Variants in NRG1 observed in about 807,000 individuals in gnomAD.
The protein encoded by NRG1 is neuregulin 1, also known as pro-neuregulin-1, membrane-bound isoform.
A neutral mutation model predicts 63.8 loss-of-function variants in NRG1; 18 were observed. The ratio of observed to expected loss-of-function variants is 0.28; its 90% CI spans 0.19 to 0.42. NRG1 has a LOEUF of 0.42. NRG1 is among the 10% of genes least tolerant of loss of function. NRG1 has a pLI of 1.00. For missense variants in NRG1, 762 were observed against 814.7 expected, an observed-to-expected ratio of 0.94 and a Z score of 0.79; for synonymous variants, 302 against 301.3, an observed-to-expected ratio of 1.00 and a Z score of -0.02.
chr8:32,541,557 T>C (rs1832576972), intron 1 of NRG1, among the ~76,000 whole-genome samples: 1 of 151,730 alleles, frequency 6.6e-6, no homozygotes, highest in South Asian at 2.1e-4. Context: ...TGTTCAAATA[T>C]TTGAAGTACT....
intron 1 of NRG1, among the ~76,000 whole-genome samples, chr8:32,243,011 A>G (rs1007308178): frequency 5.3e-5 from 8 of 152,200 alleles, no homozygotes; most frequent in African/African-American, 1.9e-4. Context: ...TGCAAGGGAA[A>G]GATTGTTCTG....
chr8:31,803,371 C>T (rs1056479939), intron 1 of NRG1, among the ~76,000 whole-genome samples: 2 of 152,084 alleles, frequency 1.3e-5, no homozygotes, highest in African/African-American at 2.4e-5. Context: ...AAAGCCACAC[C>T]GACAGAGAGC....
chr8:32,249,756 A>T (rs570833774), intron 1 of NRG1, among the ~76,000 whole-genome samples: 1 of 152,146 alleles, frequency 6.6e-6, no homozygotes, highest in Non-Finnish European at 1.5e-5. Context: ...TGTGTTGAGT[A>T]AACAAAGATC....
At chr8:31,935,105 C>T (rs893120260) in intron 1 of NRG1, among the ~76,000 whole-genome samples, 1 of 151,878 alleles carries the variant, frequency 6.6e-6, no homozygotes, top group Non-Finnish European at 1.5e-5. Flanking sequence ...TGTGTGCCAC[C>T]ACGCCCAGCT....
At chr8:32,597,460 G>A in intron 2 of NRG1, among the ~76,000 whole-genome samples, 1 of 152,128 alleles carries the variant, frequency 6.6e-6, no homozygotes, top group Non-Finnish European at 1.5e-5. Flanking sequence ...GTATAATAAA[G>A]TGTAAAAGAA....
intron 1 of NRG1, among the ~76,000 whole-genome samples, chr8:32,499,653 G>A (rs766946688): frequency 2.0e-5 from 3 of 152,116 alleles, no homozygotes; most frequent in East Asian, 1.9e-4. Context: ...CAGCCTGGGC[G>A]ACAGAGTGAG....
chr8:32,172,995 A>G (rs556108572), intron 1 of NRG1, among the ~76,000 whole-genome samples: 2 of 152,288 alleles, frequency 1.3e-5, no homozygotes, highest in East Asian at 3.9e-4. Context: ...AGAACGCCAC[A>G]AAGATACTCC....
intron 11 of NRG1, 137 bp downstream of exon 11, chr8:32,760,543 G>C (rs1401283214): frequency 6.8e-7 from 1 of 1,469,214 alleles, no homozygotes; most frequent in Non-Finnish European, 8.9e-7. Context: ...AGTGCTCCTA[G>C]TTGATGAAGT....
At chr8:32,763,528 T>A (rs190403617) in intron 11 of NRG1, among the ~76,000 whole-genome samples, 1 of 152,324 alleles carries the variant, frequency 6.6e-6, no homozygotes, top group Non-Finnish European at 1.5e-5. Flanking sequence ...CTAGGCAATT[T>A]AGCTGATCTT....
intron 1 of NRG1, chr8:32,136,877 C>T (rs1391189506): frequency 6.6e-6 from 1 of 152,008 alleles, no homozygotes; most frequent in Non-Finnish European, 1.5e-5. Flanking sequence ...AAGAATTGGG[C>T]CTTATATAAC....
chr8:32,147,927 C>G (rs1428085482), intron 1 of NRG1, among the ~76,000 whole-genome samples: 2 of 151,966 alleles, frequency 1.3e-5, no homozygotes, highest in African/African-American at 4.8e-5. Flanking sequence ...TAATTTACCC[C>G]TCTCCAAAAA....
exon 6 of NRG1, chr8:32,727,971 G>C (rs1260714638): frequency 1.2e-6 from 2 of 1,614,014 alleles, no homozygotes; most frequent in South Asian, 2.2e-5. Context: ...CCACCACTGG[G>C]ACAAGCCATC....
At chr8:32,230,497 A>T (rs1454683743) in intron 1 of NRG1, among the ~76,000 whole-genome samples, 1 of 152,140 alleles carries the variant, frequency 6.6e-6, no homozygotes, top group Admixed American at 6.5e-5. Context: ...GAAATTGGAG[A>T]GTAGGAAACT....
intron 1 of NRG1, among the ~76,000 whole-genome samples, chr8:32,162,346 T>C (rs551334100): frequency 6.6e-6 from 1 of 152,220 alleles, no homozygotes; most frequent in Non-Finnish European, 1.5e-5. Context: ...ATCTTAATTT[T>C]GTGAAAGCAT....
intron 5 of NRG1, chr8:32,722,168 G>C (rs17669659): frequency 0.2 from 151,401 of 758,522 alleles, 16,122 homozygotes; most frequent in Non-Finnish European, 0.21. Context: ...TAAGTAACTC[G>C]TAAAGAATTG....
chr8:31,697,832 C>G (rs1190797171), intron 1 of NRG1, among the ~76,000 whole-genome samples: 1 of 151,992 alleles, frequency 6.6e-6, no homozygotes, highest in Non-Finnish European at 1.5e-5. Flanking sequence ...AAATACAAGA[C>G]TTGTACATTT....
chr8:32,141,840 C>G (rs1328175568), intron 1 of NRG1, among the ~76,000 whole-genome samples: 2 of 151,792 alleles, frequency 1.3e-5, no homozygotes, highest in Non-Finnish European at 2.9e-5. Context: ...ACTAATAGAA[C>G]TCATTGCTTT....
chr8:32,229,971 C>T (rs1846743870), intron 1 of NRG1, among the ~76,000 whole-genome samples: 2 of 152,086 alleles, frequency 1.3e-5, no homozygotes, highest in South Asian at 4.1e-4. Context: ...TATCTTTGAC[C>T]TTCCTGTCCC....
intron 1 of NRG1, among the ~76,000 whole-genome samples, chr8:32,007,851 A>G (rs551317007): frequency 4.0e-4 from 61 of 152,112 alleles, no homozygotes; most frequent in Non-Finnish European, 6.3e-4. Context: ...AAAATTGGCT[A>G]GAAGGCAAAT....
Sources: allele counts gnomAD v4.1 joint callset (sites outside exome capture counted in the v4.1 genomes callset), GRCh38; gene constraint gnomAD v4.1.1; transcripts MANE v1.5; gene names NCBI Gene and HGNC (gene_info 2026-07-23, HGNC 2026-07-21).